The following MAD1L1 variants were observed in gnomAD, a reference collection of about 807,000 sequenced individuals.
The protein encoded by MAD1L1 is mitotic arrest deficient 1 like 1, also known as mitotic spindle assembly checkpoint protein MAD1.
A neutral mutation model predicts 96.9 loss-of-function variants in MAD1L1; 95 were observed. The ratio of observed to expected loss-of-function variants is 0.98; its 90% CI spans 0.83 to 1.16. The LOEUF (loss-of-function observed/expected upper bound fraction) is 1.16, where lower values mean the gene tolerates loss of function less well. MAD1L1 is among the 50% of genes most tolerant of loss of function. The probability of loss-of-function intolerance (pLI) is 0.00; values close to 1 mark genes in which losing one functional copy is unlikely to be tolerated. For missense variants in MAD1L1, 1,007 were observed against 954.4 expected, an observed-to-expected ratio of 1.06 and a Z score of -0.73; for synonymous variants, 473 against 396.6, an observed-to-expected ratio of 1.19 and a Z score of -2.29.
rs10238772 is a variant in MAD1L1 at position 2,215,888 on chromosome 7, G to A, written c.921C>T (p.Asn307=). ...QETLVGLELE[N]ERLLAKLQSW... The stretch of plus-strand genomic sequence containing the variant: ...CGCACACCACACAGGCCCTCACCTC[G>A]TTCTCCAGCTCCAAGCCAACCAGCG... The change falls in exon 9 of 19, where the codon AAC becomes AAT. Residue 307 remains asparagine, a synonymous_variant. Transcript: ENST00000265854. 6 of 1,614,080 alleles carry A rather than the reference G, an allele frequency of 3.7e-6. No individual in the cohort carries two copies. The highest frequency in any genetic ancestry group is 1.1e-5 in the South Asian group (1 of 91,084).
intron 12 of MAD1L1, among the ~76,000 whole-genome samples, chr7:2,038,960 A>G (rs1783561454): frequency 6.6e-6 from 1 of 152,214 alleles, no homozygotes; most frequent in African/African-American, 2.4e-5. Flanking sequence ...TATGCCGACA[A>G]TGATACAGTC....
Position 2,114,771 on chromosome 7 carries a change from G to C in MAD1L1, c.1073+34381C>G, listed in dbSNP as rs7806907. 0.05 allele frequency among the ~76,000 whole-genome samples: 7,643 copies of C among 152,208 alleles called. 631 individuals carry two copies. The highest frequency in any genetic ancestry group is 0.17 in the African/African-American group (6,966 of 41,492). On this transcript the variant is annotated intron_variant, in intron 11 of 18. Coordinates refer to ENST00000265854, the MANE Select transcript of MAD1L1 (RefSeq NM_001013836.2). The surrounding 1 kb of genome is among the most constrained non-coding windows in gnomAD (Gnocchi z 4.2). Reference sequence around the variant, plus strand: ...CACGATGGCAGAGTTCAGCGTCTTCGACAGAGACCACCTGCCCGGCAAACC... The same window carrying C: ...CACGATGGCAGAGTTCAGCGTCTTCCACAGAGACCACCTGCCCGGCAAACC...
intron 11 of MAD1L1, among the ~76,000 whole-genome samples, chr7:2,074,837 T>TG (rs544855102): frequency 1.3e-5 from 2 of 149,914 alleles, no homozygotes; most frequent in East Asian, 2.0e-4. Context: ...AACCGGAGGC[T>TG]GGGGGGGCCC....
intron 18 of MAD1L1, among the ~76,000 whole-genome samples, chr7:1,862,827 A>C (rs1174961135): frequency 6.6e-6 from 1 of 152,286 alleles, no homozygotes; most frequent in East Asian, 1.9e-4. Flanking sequence ...CAAAAGAGAC[A>C]AAACAATTCA....
At chr7:2,227,237 A>C (rs1793949280) in intron 3 of MAD1L1, among the ~76,000 whole-genome samples, 1 of 152,214 alleles carries the variant, frequency 6.6e-6, no homozygotes, top group Non-Finnish European at 1.5e-5. Context: ...CGGAGGCTGC[A>C]GTGAGCCAAC....
intron 12 of MAD1L1, among the ~76,000 whole-genome samples, chr7:2,016,505 G>A (rs143535020): frequency 0.012 from 1,789 of 152,286 alleles, 13 homozygotes; most frequent in Admixed American, 0.021. Context: ...CCCAGGCCCC[G>A]CCTGGCTCCT....
At chr7:1,915,302 C>A (rs73048199) in intron 17 of MAD1L1, among the ~76,000 whole-genome samples, 5,171 of 152,148 alleles carry the variant, frequency 0.034, 196 homozygotes, top group Admixed American at 0.099. Flanking sequence ...GAACCGCAGC[C>A]GGGAGGGACG....
chr7:1,958,668 T>G (rs1445844626), intron 15 of MAD1L1, among the ~76,000 whole-genome samples: 2 of 152,128 alleles, frequency 1.3e-5, no homozygotes, highest in Non-Finnish European at 2.9e-5. Context: ...AGTCAAAGAT[T>G]ACCAGACATT....
intron 18 of MAD1L1, among the ~76,000 whole-genome samples, chr7:1,887,988 C>T (rs1562492248): frequency 1.2e-5 from 1 of 86,144 alleles, no homozygotes; most frequent in African/African-American, 5.2e-5. Flanking sequence ...TGTGTGCATG[C>T]ATGTGTGTAT....
At chr7:2,170,080 CGGG>C (rs886675395) in intron 10 of MAD1L1, among the ~76,000 whole-genome samples, 17 of 152,202 alleles carry the variant, frequency 1.1e-4, no homozygotes, top group Admixed American at 3.3e-4. Context: ...CACAAACACC[CGGG>C]CCAGGCTCTG....
intron 18 of MAD1L1, among the ~76,000 whole-genome samples, chr7:1,844,658 C>T: frequency 6.6e-6 from 1 of 152,202 alleles, no homozygotes; most frequent in South Asian, 2.1e-4. Context: ...GGGGGGAGTC[C>T]AGGGCCCAGC....
intron 11 of MAD1L1, among the ~76,000 whole-genome samples, chr7:2,138,917 C>T (rs912948135): frequency 1.3e-5 from 2 of 152,210 alleles, no homozygotes; most frequent in Non-Finnish European, 2.9e-5. Flanking sequence ...CTCCACTCAT[C>T]TTGCAAAGCA....
intron 11 of MAD1L1, among the ~76,000 whole-genome samples, 194 bp from the exon 12 acceptor site, chr7:2,069,532 C>A (rs1785029004): frequency 6.6e-6 from 1 of 152,216 alleles, no homozygotes; most frequent in African/African-American, 2.4e-5. Context: ...CAAATAGACT[C>A]CCAGGGTGAT....
At chr7:2,184,464 A>G (rs1336680930) in intron 10 of MAD1L1, among the ~76,000 whole-genome samples, 1 of 152,212 alleles carries the variant, frequency 6.6e-6, no homozygotes, top group East Asian at 1.9e-4. Flanking sequence ...GTAGGAGCAT[A>G]AAATCATACC....
chr7:2,108,310 A>G (rs893448278), intron 11 of MAD1L1, among the ~76,000 whole-genome samples: 62 of 152,172 alleles, frequency 4.1e-4, no homozygotes, highest in African/African-American at 1.5e-3. Flanking sequence ...GAGCGCTCCG[A>G]CGGTTTTGGT....
chr7:2,154,680 A>G (rs978510591), intron 10 of MAD1L1, among the ~76,000 whole-genome samples: 3 of 152,200 alleles, frequency 2.0e-5, no homozygotes, highest in Non-Finnish European at 4.4e-5. Flanking sequence ...CTGGGGATGA[A>G]GTGTATGAGC....
At chr7:1,905,926 T>C (rs964466685) in intron 17 of MAD1L1, among the ~76,000 whole-genome samples, 4 of 151,914 alleles carry the variant, frequency 2.6e-5, no homozygotes, top group Admixed American at 2.0e-4. Flanking sequence ...GGCGCACATC[T>C]GTAATCCCAG....
At chr7:2,053,634 C>T (rs1784277099) in intron 12 of MAD1L1, among the ~76,000 whole-genome samples, 1 of 152,204 alleles carries the variant, frequency 6.6e-6, no homozygotes, top group South Asian at 2.1e-4. Flanking sequence ...CAGCACGTTC[C>T]AGCCAGGGCC....
chr7:1,951,797 G>A (rs1779509096), intron 16 of MAD1L1, among the ~76,000 whole-genome samples: 1 of 152,148 alleles, frequency 6.6e-6, no homozygotes, highest in Admixed American at 6.5e-5. Context: ...TATCTATCAT[G>A]CTCCACCGTA....
Sources: gnomAD v4.1 joint callset for allele counts (sites outside exome capture counted in the v4.1 genomes callset) on GRCh38, gnomAD v4.1.1 for gene constraint, Gnocchi (gnomAD v3.1) non-coding constraint, MANE v1.5 for transcripts, NCBI Gene and HGNC (gene_info 2026-07-23, HGNC 2026-07-21) for gene names.